ABCB11: variants seen among roughly 807,000 people sequenced by gnomAD.
ABCB11 encodes the protein ATP binding cassette subfamily B member 11.
In ABCB11, 95 loss-of-function variants were observed where a neutral mutation model predicts 148.0. The observed-to-expected ratio is 0.64, with a 90% CI of 0.54 to 0.76. ABCB11 has a LOEUF of 0.76. Among genes scored for constraint, ABCB11 ranks in the 30% least tolerant of loss-of-function variants. ABCB11 has a pLI of 0.00. For synonymous variants in ABCB11, 591 were observed against 555.4 expected, an observed-to-expected ratio of 1.06 and a Z score of -0.90; for missense variants, 1,523 against 1,617.8, an observed-to-expected ratio of 0.94 and a Z score of 1.01.
At chr2:168,997,175 CG>C (rs1402438713) in intron 5 of ABCB11, among the ~76,000 whole-genome samples, 1 of 151,968 alleles carries the variant, frequency 6.6e-6, no homozygotes, top group Non-Finnish European at 1.5e-5. Context: ...ACTGATAGAA[CG>C]ATGTGTGCTG....
intron 5 of ABCB11, among the ~76,000 whole-genome samples, chr2:169,000,117 A>G (rs1324653525): frequency 6.6e-6 from 1 of 151,970 alleles, no homozygotes; most frequent in Non-Finnish European, 1.5e-5. Flanking sequence ...TTTTGTCCTT[A>G]CTCATGTCTT....
At chr2:169,017,284 T>C (rs1396920671) in intron 2 of ABCB11, among the ~76,000 whole-genome samples, 1 of 152,128 alleles carries the variant, frequency 6.6e-6, no homozygotes, top group Non-Finnish European at 1.5e-5. Flanking sequence ...AGCCATAGGA[T>C]TGAGACCACA....
rs1324305848 is a variant in ABCB11, at chr2:168,927,223, G to T, written c.3551C>A (p.Pro1184His). Residue 1184 changes from proline (P) to histidine (H), a missense_variant, in exon 26 of 28, where the codon CCC becomes CAC. By Grantham distance (77) the Pro-to-His change is moderately conservative (BLOSUM62 -2). Coordinates refer to ENST00000650372, the MANE Select transcript of ABCB11 (RefSeq NM_003742.4). ...TGCAGCTGCTATGACTCTTTCCATG[G>T]GAATTTCTTTGGTGTTGTCTCCATA... is the stretch of plus-strand genomic sequence containing the variant. ...IKYGDNTKEIPMERVIAAAKQ... is the reference protein window; with the variant it reads ...IKYGDNTKEIHMERVIAAAKQ... 6.2e-7 allele frequency: 1 copy of T among 1,613,808 alleles called. No homozygotes were observed. The highest frequency in any genetic ancestry group is 1.1e-5 in the South Asian group (1 of 91,074).
At chr2:169,009,703 A>C (rs1427263015) in intron 5 of ABCB11, among the ~76,000 whole-genome samples, 3 of 152,122 alleles carry the variant, frequency 2.0e-5, no homozygotes, top group African/African-American at 7.2e-5. Context: ...CATTGTGCAC[A>C]TGTACCCTAA....
chr2:168,927,505 T>C (rs1419654102), intron 25 of ABCB11, 143 bp from the exon 26 acceptor site: 1 of 687,776 alleles, frequency 1.5e-6, no homozygotes, highest in East Asian at 2.7e-5. Flanking sequence ...ATGGAATAAA[T>C]TATGTTGCCT....
At chr2:168,943,421 G>A (rs1692159222) in intron 21 of ABCB11, among the ~76,000 whole-genome samples, 1 of 151,970 alleles carries the variant, frequency 6.6e-6, no homozygotes, top group East Asian at 1.9e-4. Context: ...TTATAAGGAG[G>A]AGAAAAACCT....
At chr2:168,968,750 A>G (rs1053335698) in intron 16 of ABCB11, among the ~76,000 whole-genome samples, 4 of 151,104 alleles carry the variant, frequency 2.6e-5, no homozygotes, top group African/African-American at 9.7e-5. Context: ...TTTTTTTAGC[A>G]TAAATCATAA....
intron 19 of ABCB11, 112 bp downstream of exon 19, chr2:168,957,852 G>A: frequency 9.1e-7 from 1 of 1,094,676 alleles, no homozygotes; most frequent in Non-Finnish European, 1.2e-6. Context: ...TTAGAGATGA[G>A]AAAAATGAAC....
At chr2:168,975,159 T>C (rs1413953419) in intron 12 of ABCB11, among the ~76,000 whole-genome samples, 3 of 43,876 alleles carry the variant, frequency 6.8e-5, no homozygotes, top group African/African-American at 2.9e-4. Flanking sequence ...AAATATATAA[T>C]AAATATTTTT....
At position 168,979,831 on chromosome 2, in the gene ABCB11, C is replaced by T. The variant is rs750518265; in HGVS notation, c.1197+35G>A. 5.3e-6 allele frequency: 7 copies of T among 1,325,098 alleles called. No homozygotes were observed. The African/African-American group carries it at 8.8e-5, about 17-fold the overall frequency. 82.1% of individuals were successfully genotyped at this position (1,325,098 alleles called of 1,614,324 possible). A position where few individuals can be genotyped will look rare whatever the true frequency, so the allele number is the denominator to read the frequency against. On this transcript the variant is annotated intron_variant, in intron 11 of 27. Coordinates refer to ENST00000650372, the MANE Select transcript of ABCB11 (RefSeq NM_003742.4). ...TCTGTGCCCCACCCCCCAGCCCCCA[C>T]CTGTTAATGGCCTTTACTTTTGGCT... is the stretch of plus-strand genomic sequence containing the variant.
In ABCB11 at chr2:169,005,943, G is replaced by A. The variant is rs1211486862; in HGVS notation, c.389+7329C>T. The stretch of plus-strand genomic sequence containing the variant: ...CTTTCAACAACAAAGAGTCTAAGAT[G>A]AGATGACTTCACTGAAGAATTCTAC... On this transcript the variant is annotated intron_variant, in intron 5 of 27. Coordinates refer to ENST00000650372, the MANE Select transcript of ABCB11 (RefSeq NM_003742.4). Among the ~76,000 whole-genome samples the A allele has an allele frequency of 3.3e-5, 5 of 152,234 alleles. No homozygotes were observed. In the East Asian group the frequency reaches 7.7e-4, roughly 23 times the overall value.
chr2:168,944,915 C>G lies in ABCB11; in HGVS notation c.2390G>C (p.Gly797Ala). Residue 797 changes from glycine to alanine, a missense_variant, in exon 20 of 28, where the codon GGT becomes GCT. Gly to Ala is a moderately conservative substitution (Grantham distance 60). Transcript: ENST00000650372. ...DKEEQRSQINGVCLLFVAMGC... is the reference protein window; with the variant it reads ...DKEEQRSQINAVCLLFVAMGC... Reference sequence around the variant, plus strand: ...CATTGCTACAAAAAGTAGGCACACACCATTGATCTGTGACCTTTGTTCCTC... The same window carrying G: ...CATTGCTACAAAAAGTAGGCACACAGCATTGATCTGTGACCTTTGTTCCTC... 1 of 1,573,616 alleles carries G rather than the reference C, an allele frequency of 6.4e-7. No homozygotes were observed. Among genetic ancestry groups the G allele is most frequent in the Non-Finnish European group, 8.6e-7 (1 of 1,157,802 alleles).
At chr2:168,983,723 A>G (rs1311692155) in intron 10 of ABCB11, among the ~76,000 whole-genome samples, 1 of 152,128 alleles carries the variant, frequency 6.6e-6, no homozygotes, top group Non-Finnish European at 1.5e-5. Context: ...CTGGCAATGT[A>G]TTTATCTTAA....
chr2:168,964,780 G>A (rs73018734), intron 17 of ABCB11, among the ~76,000 whole-genome samples: 1 of 151,828 alleles, frequency 6.6e-6, no homozygotes, highest in Non-Finnish European at 1.5e-5. Flanking sequence ...TAGGGCCTCT[G>A]ATGAGATTTT....
intron 19 of ABCB11, among the ~76,000 whole-genome samples, chr2:168,955,500 C>A (rs545291096): frequency 6.6e-6 from 1 of 151,578 alleles, no homozygotes; most frequent in African/African-American, 2.4e-5. Context: ...AACTTACTCA[C>A]TATTATGAGA....
At chr2:168,930,982 T>G in intron 24 of ABCB11, 120 bp from the exon 25 acceptor site, 2 of 850,562 alleles carry the variant, frequency 2.4e-6, no homozygotes, top group Non-Finnish European at 3.6e-6. Flanking sequence ...GCTGCCAAAG[T>G]GCAAAGTATA....
At chr2:168,920,303 T>C (rs1691036214), downstream of ABCB11, among the ~76,000 whole-genome samples, 1 of 152,192 alleles carries the variant, frequency 6.6e-6, no homozygotes, top group Non-Finnish European at 1.5e-5. Flanking sequence ...CAGTATTGGG[T>C]GAACTCTTTC....
chr2:169,024,217 A>T (rs931414839), intron 1 of ABCB11, among the ~76,000 whole-genome samples: 2 of 152,186 alleles, frequency 1.3e-5, no homozygotes, highest in African/African-American at 2.4e-5. Context: ...AATAAAACTT[A>T]AAAAAGAACA....
chr2:168,957,574 T>G (rs74875883), intron 19 of ABCB11, among the ~76,000 whole-genome samples: 1,877 of 151,840 alleles, frequency 0.012, 36 homozygotes, highest in African/African-American at 0.043. Flanking sequence ...GCTATATAAG[T>G]CAAACTTTGT....
Sources: allele counts gnomAD v4.1 joint callset (sites outside exome capture counted in the v4.1 genomes callset), GRCh38; gene constraint gnomAD v4.1.1; transcripts MANE v1.5; gene names NCBI Gene and HGNC (gene_info 2026-07-23, HGNC 2026-07-21).